Variants in ARSJ observed in about 807,000 individuals in gnomAD.
The protein encoded by ARSJ is arylsulfatase family member J, also known as arylsulfatase J.
In ARSJ, 26 loss-of-function variants were observed where a neutral mutation model predicts 35.9. The observed-to-expected ratio is 0.72, with a 90% CI of 0.53 to 1.00. The LOEUF is 1.00. Among genes scored for constraint, ARSJ ranks in the 50% least tolerant of loss-of-function variants. The pLI is 0.00. For missense variants in ARSJ, 667 were observed against 723.6 expected, an observed-to-expected ratio of 0.92 and a Z score of 0.90; for synonymous variants, 294 against 267.6, an observed-to-expected ratio of 1.10 and a Z score of -0.96.
intron 1 of ARSJ, among the ~76,000 whole-genome samples, chr4:113,974,271 C>T (rs1727455061): frequency 6.6e-6 from 1 of 151,544 alleles, no homozygotes; most frequent in African/African-American, 2.4e-5. Flanking sequence ...ACATGGATTA[C>T]AAGAAAATTA....
chr4:113,905,811 G>A (rs1263927505), intron 1 of ARSJ, among the ~76,000 whole-genome samples: 1 of 151,616 alleles, frequency 6.6e-6, no homozygotes, highest in Non-Finnish European at 1.5e-5. Context: ...GGAATTACAG[G>A]TGCATACCAC....
intron 1 of ARSJ, among the ~76,000 whole-genome samples, chr4:113,917,781 T>C (rs989066763): frequency 3.3e-5 from 5 of 152,170 alleles, no homozygotes; most frequent in Non-Finnish European, 5.9e-5. Flanking sequence ...TATTTTACTT[T>C]GAATTGTTAT....
intron 1 of ARSJ, among the ~76,000 whole-genome samples, chr4:113,963,966 A>G (rs7672550): frequency 2.0e-4 from 30 of 152,196 alleles, no homozygotes; most frequent in Middle Eastern, 3.4e-3. Context: ...TTAAAACACT[A>G]TTTTAAATTG....
At chr4:113,925,831 A>G (rs1724022953) in intron 1 of ARSJ, among the ~76,000 whole-genome samples, 1 of 152,310 alleles carries the variant, frequency 6.6e-6, no homozygotes, top group Non-Finnish European at 1.5e-5. Context: ...GAAGTCCAAT[A>G]TAATCAACCT....
At chr4:113,950,537 AAGAG>A (rs764759215) in intron 1 of ARSJ, among the ~76,000 whole-genome samples, 20 of 152,158 alleles carry the variant, frequency 1.3e-4, no homozygotes, top group Non-Finnish European at 2.6e-4. Context: ...CAAATCTTGA[AAGAG>A]AGAGAAAGAG....
intron 1 of ARSJ, among the ~76,000 whole-genome samples, chr4:113,915,817 T>C (rs1449487017): frequency 6.6e-6 from 1 of 152,214 alleles, no homozygotes; most frequent in East Asian, 1.9e-4. Context: ...GAAAAGCAGA[T>C]GGTCTGCACT....
intron 1 of ARSJ, among the ~76,000 whole-genome samples, chr4:113,963,356 A>G (rs1726682082): frequency 6.6e-6 from 1 of 152,020 alleles, no homozygotes; most frequent in East Asian, 1.9e-4. Flanking sequence ...CTGGCTGGGG[A>G]GGCCTCAGGA....
At chr4:113,931,021 G>A (rs1248894101) in intron 1 of ARSJ, among the ~76,000 whole-genome samples, 2 of 151,468 alleles carry the variant, frequency 1.3e-5, no homozygotes, top group Non-Finnish European at 2.9e-5. Flanking sequence ...TCTGGGGACT[G>A]TGGTGGGGTG....
intron 1 of ARSJ, among the ~76,000 whole-genome samples, chr4:113,953,085 G>A (rs1397088237): frequency 6.6e-6 from 1 of 152,008 alleles, no homozygotes; most frequent in South Asian, 2.1e-4. Flanking sequence ...TTCACAAAAA[G>A]GAAACTGAAG....
intron 1 of ARSJ, among the ~76,000 whole-genome samples, chr4:113,961,897 CTGTGTGTGTGTGTGTGTGTGTGTG>C (rs60701922): frequency 1.5e-3 from 223 of 148,148 alleles, no homozygotes; most frequent in African/African-American, 4.9e-3. Context: ...CTCTCTCTCT[CTGTGTGTGTGTGTGTGTGTGTGTG>C]TGTGTGTGTG....
chr4:113,952,839 G>A (rs1232825669), intron 1 of ARSJ, among the ~76,000 whole-genome samples: 1 of 152,086 alleles, frequency 6.6e-6, no homozygotes, highest in Non-Finnish European at 1.5e-5. Context: ...TCAGCACTCA[G>A]TTGGAAGACA....
rs141455632 is a variant in ARSJ at position 113,942,740 on chromosome 4, A to C, written c.398+35697T>G. Among the ~76,000 whole-genome samples, 119 of 152,184 alleles carry C rather than the reference A, an allele frequency of 7.8e-4. 1 individual carries two copies. Among genetic ancestry groups the C allele is most frequent in the Admixed American group, 2.1e-3 (32 of 15,268 alleles). ...GCTAGAATTTCAGAGGTTTTTCTTAAAATGGAAAAGTGATTTTAAAATTAT... is the reference window on the plus strand; with the variant it reads ...GCTAGAATTTCAGAGGTTTTTCTTACAATGGAAAAGTGATTTTAAAATTAT... On this transcript the variant is annotated intron_variant, in intron 1 of 1. Transcript: ENST00000315366.
intron 1 of ARSJ, chr4:113,946,068 G>T (rs1411013277): frequency 7.3e-5 from 11 of 151,714 alleles, no homozygotes; most frequent in Non-Finnish European, 1.5e-5. Context: ...TTGCTTTGTG[G>T]TTATTGGGAT....
chr4:113,947,182 T>A (rs1408939707), intron 1 of ARSJ, among the ~76,000 whole-genome samples: 2 of 152,020 alleles, frequency 1.3e-5, no homozygotes, highest in Admixed American at 6.6e-5. Flanking sequence ...CCAATAGGGA[T>A]TTAAAATTGA....
At chr4:113,915,148 TTAGA>T (rs1723215312) in intron 1 of ARSJ, among the ~76,000 whole-genome samples, 2 of 152,116 alleles carry the variant, frequency 1.3e-5, no homozygotes, top group South Asian at 4.1e-4. Flanking sequence ...TTAACAGGTA[TTAGA>T]TATCTTTCCC....
At chr4:113,903,763 CT>C in intron 1 of ARSJ, 88 bp from the exon 2 acceptor site, 1 of 1,451,734 alleles carries the variant, frequency 6.9e-7, no homozygotes, top group Non-Finnish European at 9.2e-7. Context: ...AAAAATGTTT[CT>C]ATGGGCATCA....
rs761544317 is a variant in ARSJ, at chr4:113,903,601, G to C, written c.473C>G (p.Ala158Gly). 6.2e-7 allele frequency: 1 copy of C among 1,614,174 alleles called. No individual in the cohort carries two copies. The highest frequency in any genetic ancestry group is 8.5e-7 in the Non-Finnish European group (1 of 1,180,028). ...TQPNCLPLDN[A>G]TLPQKLKEVG... Reference sequence around the variant, plus strand: ...CTCCTTCAGTTTCTGAGGTAGGGTGGCATTGTCCAGAGGTAAACAGTTGGG... The same window carrying C: ...CTCCTTCAGTTTCTGAGGTAGGGTGCCATTGTCCAGAGGTAAACAGTTGGG... Residue 158 changes from alanine to glycine, a missense_variant, in exon 2 of 2, where the codon GCC becomes GGC. Transcript: ENST00000315366.
At chr4:113,931,198 AAG>A (rs1198023185) in intron 1 of ARSJ, among the ~76,000 whole-genome samples, 2 of 152,070 alleles carry the variant, frequency 1.3e-5, no homozygotes, top group Non-Finnish European at 2.9e-5. Context: ...AGAAAAAAAA[AAG>A]TATAAATAAA....
intron 1 of ARSJ, among the ~76,000 whole-genome samples, chr4:113,925,061 C>G (rs533879339): frequency 1.3e-5 from 2 of 152,198 alleles, no homozygotes; most frequent in African/African-American, 2.4e-5. Flanking sequence ...AAGAGACACC[C>G]TAATGGAGCT....
Sources: allele counts gnomAD v4.1 joint callset (sites outside exome capture counted in the v4.1 genomes callset), GRCh38; gene constraint gnomAD v4.1.1; transcripts MANE v1.5; gene names NCBI Gene and HGNC (gene_info 2026-07-23, HGNC 2026-07-21).